ATP10A: variants seen among roughly 807,000 people sequenced by gnomAD.
ATP10A encodes phospholipid-transporting ATPase VA.
In ATP10A, 111 loss-of-function variants were observed where a neutral mutation model predicts 147.8. The ratio of observed to expected loss-of-function variants is 0.75; its 90% CI spans 0.64 to 0.88. The LOEUF is 0.88. Ranked by LOEUF, ATP10A falls within the 40% of genes least tolerant of loss-of-function variation. ATP10A has a pLI of 0.00. For missense variants in ATP10A, 1,927 were observed against 1,959.0 expected (o/e 0.98, Z 0.31); for synonymous variants, 875 against 841.6 (o/e 1.04, Z -0.69).
At position 25,812,029 on chromosome 15, in the gene ATP10A, C is replaced by T. The variant is rs566048653; in HGVS notation, c.450-30806G>A. Among the ~76,000 whole-genome samples, 12 of 152,340 alleles carry T rather than the reference C, an allele frequency of 7.9e-5. No individual in the cohort carries two copies. In the South Asian group the frequency reaches 2.5e-3, roughly 32 times the overall value. The stretch of plus-strand genomic sequence containing the variant: ...TGGCTCTCACCCAGCGCACGCTCCC[C>T]GTTCCACCCTACATGGCGCAAACAC... On this transcript the variant is annotated intron_variant, in intron 1 of 20. Transcript: ENST00000555815.
chr15:25,722,132 C>G (rs1022787901), intron 6 of ATP10A, among the ~76,000 whole-genome samples: 1 of 152,026 alleles, frequency 6.6e-6, no homozygotes, highest in Non-Finnish European at 1.5e-5. Context: ...AGCTGCAGGG[C>G]GGGGATCCAC....
chr15:25,727,101 G>C, intron 4 of ATP10A, 59 bp downstream of exon 4: 1 of 1,209,246 alleles, frequency 8.3e-7, no homozygotes, highest in East Asian at 2.3e-5. Flanking sequence ...ACAGTGAGGG[G>C]AAGTGCTGGA....
chr15:25,859,266 G>T (rs557646661), intron 1 of ATP10A, among the ~76,000 whole-genome samples: 63 of 152,294 alleles, frequency 4.1e-4, no homozygotes, highest in African/African-American at 1.5e-3. Flanking sequence ...TGCCCACCCT[G>T]TTCCAGCTGG....
intron 1 of ATP10A, among the ~76,000 whole-genome samples, chr15:25,791,272 T>C (rs1890411919): frequency 6.6e-6 from 1 of 151,530 alleles, no homozygotes; most frequent in African/African-American, 2.4e-5. Context: ...TTTCTTTTAA[T>C]GTGCATCTCC....
chr15:25,771,339 G>A (rs1297099478), intron 2 of ATP10A, among the ~76,000 whole-genome samples: 1 of 152,128 alleles, frequency 6.6e-6, no homozygotes, highest in African/African-American at 2.4e-5. Flanking sequence ...AGAGGCTAAT[G>A]TAGGAGGACT....
At chr15:25,686,838 T>C (rs1242642688) in intron 16 of ATP10A, among the ~76,000 whole-genome samples, 2 of 107,894 alleles carry the variant, frequency 1.9e-5, no homozygotes, top group Non-Finnish European at 3.3e-5. Context: ...GAGGAGCCCA[T>C]CTGCCAAAGA....
chr15:25,753,987 T>C (rs976633297), intron 2 of ATP10A, among the ~76,000 whole-genome samples: 11 of 152,098 alleles, frequency 7.2e-5, no homozygotes, highest in African/African-American at 2.7e-4. Flanking sequence ...GCTGTAGAGA[T>C]GGGAGTCTTG....
At chr15:25,849,291 T>A (rs1893174748) in intron 1 of ATP10A, among the ~76,000 whole-genome samples, 1 of 152,148 alleles carries the variant, frequency 6.6e-6, no homozygotes, top group Non-Finnish European at 1.5e-5. Context: ...GCAGCAATGC[T>A]GTTTGCTATC....
Position 25,793,599 on chromosome 15 carries a change from G to A in ATP10A, c.450-12376C>T, listed in dbSNP as rs570684311. 9.6e-4 allele frequency among the ~76,000 whole-genome samples: 146 copies of A among 152,262 alleles called. 1 individual carries two copies. Among genetic ancestry groups the A allele is most frequent in the African/African-American group, 3.4e-3 (141 of 41,556 alleles). On this transcript the variant is annotated intron_variant, in intron 1 of 20. Transcript: ENST00000555815. ...GTTCTGTTTGTCCAAACCCTCTTCC[G>A]CTCCCTGGCAGCCAGGACCCTGCGG...
intron 2 of ATP10A, among the ~76,000 whole-genome samples, chr15:25,739,585 T>C (rs146403681): frequency 2.4e-3 from 367 of 152,284 alleles, no homozygotes; most frequent in Non-Finnish European, 3.8e-3. Context: ...AGACTCACTA[T>C]TGCAGAAACA....
intron 2 of ATP10A, among the ~76,000 whole-genome samples, chr15:25,779,104 T>C (rs1889768137): frequency 6.6e-6 from 1 of 152,130 alleles, no homozygotes; most frequent in Admixed American, 6.5e-5. Flanking sequence ...CTCGAATTAC[T>C]GACCTCAAGT....
At chr15:25,840,901 T>C (rs1892782893) in intron 1 of ATP10A, among the ~76,000 whole-genome samples, 1 of 152,224 alleles carries the variant, frequency 6.6e-6, no homozygotes. Context: ...TTTGTAAAGA[T>C]GTTGAACATC....
chr15:25,797,437 G>C (rs529139491), intron 1 of ATP10A, among the ~76,000 whole-genome samples: 13 of 151,752 alleles, frequency 8.6e-5, no homozygotes, highest in Non-Finnish European at 1.6e-4. Flanking sequence ...CCTGGCCCCT[G>C]GCCCCTGCCC....
chr15:25,714,120 G>A lies in ATP10A; in HGVS notation c.1898C>T (p.Ser633Phe), dbSNP rs777359901. ...SSIGSLAANK[S>F]SHKLGSSFPS... ...GAAGCTGGAGCCCAACTTGTGGCTG[G>A]ACTTGTTGGCGGCCAGGCTCCCGAT... is the stretch of plus-strand genomic sequence containing the variant. The change falls in exon 10 of 21, where the codon TCC becomes TTC. Residue 633 changes from serine to phenylalanine, a missense_variant. Coordinates refer to ENST00000555815, the MANE Select transcript of ATP10A (RefSeq NM_024490.4). The A allele has an allele frequency of 6.2e-7, 1 of 1,613,082 alleles. No homozygotes were observed. Among genetic ancestry groups the A allele is most frequent in the South Asian group, 1.1e-5 (1 of 91,088 alleles).
intron 3 of ATP10A, among the ~76,000 whole-genome samples, chr15:25,733,399 GAGGGAGCACTCCAGCCCC>G (rs1007822009): frequency 1.3e-5 from 2 of 152,118 alleles, no homozygotes; most frequent in Admixed American, 6.5e-5. Flanking sequence ...ATTCCTGCCC[GAGGGAGCACTCCAGCCCC>G]AGGGAGCACT....
intron 13 of ATP10A, 36 bp from the exon 14 acceptor site, chr15:25,695,182 A>C (rs1210196366): frequency 6.5e-7 from 1 of 1,547,820 alleles, no homozygotes; most frequent in Non-Finnish European, 8.8e-7. Context: ...CAGTTCCCTC[A>C]GAGTCATGCC....
intron 7 of ATP10A, among the ~76,000 whole-genome samples, chr15:25,719,521 G>A (rs1902072663): frequency 6.6e-6 from 1 of 152,196 alleles, no homozygotes; most frequent in Admixed American, 6.5e-5. Flanking sequence ...CATGAGGTGA[G>A]GGGCTGGGCT....
intron 7 of ATP10A, among the ~76,000 whole-genome samples, chr15:25,719,265 C>T (rs781707262): frequency 7.2e-5 from 11 of 152,128 alleles, no homozygotes; most frequent in African/African-American, 2.4e-4. Context: ...GCCGGCCAGC[C>T]GCGTGGACCA....
At chr15:25,748,734 A>G (rs1255847412) in intron 2 of ATP10A, among the ~76,000 whole-genome samples, 1 of 152,072 alleles carries the variant, frequency 6.6e-6, no homozygotes, top group African/African-American at 2.4e-5. Context: ...TAGAAGATCT[A>G]AAATAATCTT....
Sources: allele counts gnomAD v4.1 joint callset (sites outside exome capture counted in the v4.1 genomes callset), GRCh38; gene constraint gnomAD v4.1.1; transcripts MANE v1.5; gene names NCBI Gene and HGNC (gene_info 2026-07-23, HGNC 2026-07-21).